Variants in MTMR7 observed in about 807,000 individuals in gnomAD.
The protein encoded by MTMR7 is phosphatidylinositol-3-phosphate phosphatase MTMR7.
Under a neutral mutation model 81.2 loss-of-function variants are expected in MTMR7, and 76 were observed. The ratio of observed to expected loss-of-function variants is 0.94; its 90% CI spans 0.78 to 1.13. The LOEUF (loss-of-function observed/expected upper bound fraction) is 1.13. MTMR7 is among the 50% of genes most tolerant of loss of function. MTMR7 has a pLI of 0.00. For synonymous variants in MTMR7, 372 were observed against 289.8 expected (o/e 1.28, Z -2.88); for missense variants, 1,044 against 820.0 (o/e 1.27, Z -3.34).
rs1445372978 is a variant in MTMR7, at chr8:17,363,371, G to A, written c.311-2097C>T. The stretch of plus-strand genomic sequence containing the variant: ...TACTGAATATGGGGTAATAATGGCA[G>A]TTAAGTTCTCTTTGTTAAATATTTA... On this transcript the variant is annotated intron_variant, in intron 3 of 13. Coordinates refer to ENST00000180173, the MANE Select transcript of MTMR7 (RefSeq NM_004686.5). Among the ~76,000 whole-genome samples, 4 of 152,230 alleles carry A rather than the reference G, an allele frequency of 2.6e-5. No homozygotes were observed. The South Asian group carries it at 8.3e-4, about 31-fold the overall frequency.
At chr8:17,341,331 G>A in intron 6 of MTMR7, 32 bp downstream of exon 6, 1 of 1,611,958 alleles carries the variant, frequency 6.2e-7, no homozygotes, top group Non-Finnish European at 8.5e-7. Context: ...CAACTCAGGT[G>A]CAAAGACATG....
intron 2 of MTMR7, among the ~76,000 whole-genome samples, chr8:17,371,886 C>A (rs909069021): frequency 3.5e-5 from 5 of 143,904 alleles, no homozygotes; most frequent in African/African-American, 1.3e-4. Flanking sequence ...ACAGTGAGAC[C>A]CTTGAAATTT....
chr8:17,356,586 T>A (rs539843518), intron 4 of MTMR7, among the ~76,000 whole-genome samples: 1 of 151,924 alleles, frequency 6.6e-6, no homozygotes, highest in African/African-American at 2.4e-5. Context: ...TGGTGGTGGG[T>A]GTCTGTAATC....
At chr8:17,326,626 G>C (rs555039975) in intron 7 of MTMR7, 1 of 152,342 alleles carries the variant, frequency 6.6e-6, no homozygotes, top group South Asian at 2.1e-4. Context: ...TGTAACTGGA[G>C]AGAGGCACTC....
At chr8:17,360,089 T>A (rs764412323) in intron 4 of MTMR7, among the ~76,000 whole-genome samples, 15 of 152,220 alleles carry the variant, frequency 9.9e-5, no homozygotes, top group African/African-American at 3.6e-4. Flanking sequence ...CAGCCATACT[T>A]AGGTAATACT....
intron 7 of MTMR7, among the ~76,000 whole-genome samples, chr8:17,330,303 C>T (rs141179899): frequency 3.0e-4 from 45 of 152,300 alleles, no homozygotes; most frequent in African/African-American, 8.7e-4. Flanking sequence ...GCCCACTTCC[C>T]GGGCTCCCAG....
chr8:17,308,735 T>C (rs890961248), intron 10 of MTMR7, among the ~76,000 whole-genome samples: 2 of 152,086 alleles, frequency 1.3e-5, no homozygotes, highest in Non-Finnish European at 2.9e-5. Context: ...ATTCCACAGA[T>C]GAGAGACCAA....
rs1256316893 is a variant in MTMR7 at position 17,341,464 on chromosome 8, C to T, written c.631G>A (p.Gly211Ser). Residue 211 changes from glycine to serine, a missense_variant, in exon 6 of 14, where the codon GGC (glycine) becomes AGC (serine). Coordinates refer to ENST00000180173, the MANE Select transcript of MTMR7 (RefSeq NM_004686.5). ...TCCTCTAGGCACCGGGCACTGAAGC[C>T]GGACAGGGGCTGGCTGCTCCGGCAG... ...SICRSSQPLSGFSARCLEDEQ... is the reference protein window; with the variant it reads ...SICRSSQPLSSFSARCLEDEQ... 4.3e-6 allele frequency: 7 copies of T among 1,613,936 alleles called. No individual in the cohort carries two copies. Among genetic ancestry groups the T allele is most frequent in the South Asian group, 1.1e-5 (1 of 91,076 alleles).
At chr8:17,392,088 C>T (rs79064491) in intron 1 of MTMR7, among the ~76,000 whole-genome samples, 2 of 152,174 alleles carry the variant, frequency 1.3e-5, no homozygotes, top group Non-Finnish European at 2.9e-5. Flanking sequence ...GACAAAGTCA[C>T]GGAATCTTGG....
intron 13 of MTMR7, 79 bp from the exon 14 acceptor site, chr8:17,300,303 G>C: frequency 7.1e-7 from 1 of 1,412,930 alleles, no homozygotes; most frequent in African/African-American, 1.4e-5. Context: ...TTTAGCATTT[G>C]TTACCTCCCA....
chr8:17,367,795 C>T (rs909867867), intron 3 of MTMR7, among the ~76,000 whole-genome samples: 7 of 152,046 alleles, frequency 4.6e-5, no homozygotes, highest in Non-Finnish European at 8.8e-5. Flanking sequence ...ACCTCTGTGT[C>T]CCTCTGCTAA....
intron 4 of MTMR7, among the ~76,000 whole-genome samples, chr8:17,359,353 T>G (rs1819993502): frequency 6.6e-6 from 1 of 151,968 alleles, no homozygotes; most frequent in African/African-American, 2.4e-5. Flanking sequence ...ATTATAGCAA[T>G]TTGGGAGGCC....
chr8:17,351,515 G>A (rs1176663480), intron 4 of MTMR7, among the ~76,000 whole-genome samples: 1 of 152,220 alleles, frequency 6.6e-6, no homozygotes, highest in Non-Finnish European at 1.5e-5. Context: ...GAGCACCAGA[G>A]CTCTCACTCT....
chr8:17,332,149 A>G (rs1819032914), intron 6 of MTMR7, among the ~76,000 whole-genome samples: 1 of 152,190 alleles, frequency 6.6e-6, no homozygotes, highest in Non-Finnish European at 1.5e-5. Context: ...TTCGCTGACC[A>G]TTCTCCTCCT....
Position 17,318,620 on chromosome 8 carries a change from C to T in MTMR7, c.866-5219G>A, listed in dbSNP as rs914492051. ...GTGGGGTCCTACCGCATCATGTCAG[C>T]TAATTCACAGCCAGGTTTCCTGAGA... is the stretch of plus-strand genomic sequence containing the variant. On this transcript the variant is annotated intron_variant, in intron 7 of 13. Transcript: ENST00000180173. 2.0e-5 allele frequency among the ~76,000 whole-genome samples: 3 copies of T among 152,170 alleles called. No homozygotes were observed. The South Asian group carries it at 6.2e-4, about 32-fold the overall frequency.
chr8:17,350,830 C>T (rs1304934783), intron 4 of MTMR7, among the ~76,000 whole-genome samples: 3 of 152,176 alleles, frequency 2.0e-5, no homozygotes, highest in Admixed American at 6.5e-5. Flanking sequence ...TGTTCACAGG[C>T]CCAAAGTCTA....
intron 6 of MTMR7, among the ~76,000 whole-genome samples, chr8:17,341,024 G>C (rs1332028090): frequency 1.3e-5 from 2 of 152,216 alleles, no homozygotes. Flanking sequence ...TTTATTGTCA[G>C]AGCAGAAAGG....
chr8:17,370,247 G>C (rs1052377959), intron 3 of MTMR7, among the ~76,000 whole-genome samples: 2 of 151,784 alleles, frequency 1.3e-5, no homozygotes, highest in African/African-American at 4.8e-5. Flanking sequence ...TGGAGGTGCA[G>C]GCATGGTAGT....
intron 1 of MTMR7, among the ~76,000 whole-genome samples, chr8:17,393,122 A>C (rs1464725476): frequency 6.6e-6 from 1 of 152,228 alleles, no homozygotes; most frequent in Non-Finnish European, 1.5e-5. Context: ...AATAAATCCA[A>C]GCATCTATAA....
Sources: allele counts gnomAD v4.1 joint callset (sites outside exome capture counted in the v4.1 genomes callset), GRCh38; gene constraint gnomAD v4.1.1; transcripts MANE v1.5; gene names NCBI Gene and HGNC (gene_info 2026-07-23, HGNC 2026-07-21).